The following ERG variants were observed in gnomAD, a reference collection of about 807,000 sequenced individuals.
ERG encodes the protein ETS transcription factor ERG, also known as transcriptional regulator ERG.
ERG carries 9 observed loss-of-function variants against 55.3 expected under a neutral mutation model. The observed-to-expected ratio is 0.16, with a 90% CI of 0.10 to 0.28. ERG has a LOEUF of 0.28. Ranked by LOEUF, ERG falls within the 10% of genes least tolerant of loss-of-function variation. ERG has a pLI of 1.00. For missense variants in ERG, 434 were observed against 631.6 expected (o/e 0.69, Z 3.35); for synonymous variants, 223 against 237.3 (o/e 0.94, Z 0.55).
intron 3 of ERG, among the ~76,000 whole-genome samples, chr21:38,409,772 G>C (rs984016947): frequency 1.3e-5 from 2 of 152,218 alleles, no homozygotes; most frequent in African/African-American, 2.4e-5. Context: ...AACATACGAG[G>C]ATGGGGATGA....
chr21:38,515,809 GA>G (rs2059547377), intron 2 of ERG, among the ~76,000 whole-genome samples: 1 of 152,018 alleles, frequency 6.6e-6, no homozygotes, highest in East Asian at 1.9e-4. Context: ...ATGTATCCCA[GA>G]GATGCAAGGA....
chr21:38,612,271 G>A (rs1217811742), intron 1 of ERG, among the ~76,000 whole-genome samples: 1 of 151,966 alleles, frequency 6.6e-6, no homozygotes, highest in African/African-American at 2.4e-5. Context: ...ACTGTTACTG[G>A]TTTACATTAA....
At chr21:38,445,359 G>A (rs1369380250) in intron 2 of ERG, 45 bp downstream of exon 2, 2 of 1,515,908 alleles carry the variant, frequency 1.3e-6, no homozygotes, top group East Asian at 4.5e-5. Flanking sequence ...GCAAAGGATA[G>A]GAAAATGGGA....
intron 2 of ERG, among the ~76,000 whole-genome samples, chr21:38,435,577 C>A (rs772241141): frequency 1.3e-5 from 2 of 152,140 alleles, no homozygotes; most frequent in Non-Finnish European, 2.9e-5. Context: ...CCTGTTCCCT[C>A]CCCCTTCCCT....
chr21:38,435,578 C>T (rs1990409177), intron 2 of ERG, among the ~76,000 whole-genome samples: 1 of 152,156 alleles, frequency 6.6e-6, no homozygotes, highest in South Asian at 2.1e-4. Flanking sequence ...CTGTTCCCTC[C>T]CCCTTCCCTG....
chr21:38,429,641 G>A (rs138520007), intron 2 of ERG, among the ~76,000 whole-genome samples: 4,986 of 134,914 alleles, frequency 0.037, 1,584 homozygotes, highest in Non-Finnish European at 0.055. Context: ...ATATATACAT[G>A]TATACACATG....
chr21:38,499,314 T>C (rs1264533748), upstream of ERG, among the ~76,000 whole-genome samples: 3 of 152,220 alleles, frequency 2.0e-5, no homozygotes, highest in Admixed American at 1.3e-4. Flanking sequence ...CCCCATTACA[T>C]GTCTAAAATC....
chr21:38,542,770 T>C (rs1417874759), intron 2 of ERG, among the ~76,000 whole-genome samples: 2 of 152,198 alleles, frequency 1.3e-5, no homozygotes, highest in Non-Finnish European at 2.9e-5. Flanking sequence ...ATACTCCATG[T>C]GAGTTACTAC....
intron 1 of ERG, among the ~76,000 whole-genome samples, chr21:38,603,214 C>A (rs959153013): frequency 9.2e-5 from 14 of 152,088 alleles, no homozygotes; most frequent in Admixed American, 3.9e-4. Context: ...ACGCAGCTTA[C>A]ATCCAGAGCA....
chr21:38,390,083 G>A (rs1001350324), intron 9 of ERG, among the ~76,000 whole-genome samples: 1 of 152,208 alleles, frequency 6.6e-6, no homozygotes, highest in African/African-American at 2.4e-5. Context: ...TGAATTTGCA[G>A]TTGGGAATAT....
At chr21:38,517,184 T>C (rs2059558336) in intron 2 of ERG, among the ~76,000 whole-genome samples, 1 of 151,798 alleles carries the variant, frequency 6.6e-6, no homozygotes, top group Non-Finnish European at 1.5e-5. Flanking sequence ...GACAACCTGT[T>C]GAATGGGATA....
At chr21:38,449,761 C>A (rs1031131437) in intron 1 of ERG, among the ~76,000 whole-genome samples, 1 of 152,130 alleles carries the variant, frequency 6.6e-6, no homozygotes, top group African/African-American at 2.4e-5. Context: ...AATTTGTGAT[C>A]CTTATAGCTC....
intron 1 of ERG, among the ~76,000 whole-genome samples, chr21:38,630,782 G>T (rs1439141005): frequency 6.6e-6 from 1 of 152,174 alleles, no homozygotes; most frequent in Non-Finnish European, 1.5e-5. Flanking sequence ...TCAAAAAGAA[G>T]AAGCTTTAAG....
At chr21:38,568,092 C>A (rs145388626) in intron 2 of ERG, among the ~76,000 whole-genome samples, 1 of 141,138 alleles carries the variant, frequency 7.1e-6, no homozygotes, top group Non-Finnish European at 1.6e-5. Flanking sequence ...TTAATTTTTT[C>A]CGTAAGATTT....
chr21:38,465,700 G>A (rs35042034), intron 1 of ERG, among the ~76,000 whole-genome samples: 27,198 of 152,082 alleles, frequency 0.18, 2,571 homozygotes, highest in East Asian at 0.37. Flanking sequence ...GGTTTGCTGC[G>A]TACTAAAATT....
At chr21:38,471,780 T>C (rs1456504142) in intron 1 of ERG, 2 of 152,224 alleles carry the variant, frequency 1.3e-5, no homozygotes, top group African/African-American at 4.8e-5. Context: ...CAAAGTCACA[T>C]CTATTTGTTA....
At chr21:38,484,301 A>G (rs2059264392) in intron 1 of ERG, among the ~76,000 whole-genome samples, 1 of 152,132 alleles carries the variant, frequency 6.6e-6, no homozygotes, top group African/African-American at 2.4e-5. Context: ...TTAACCAGCA[A>G]TATGATAATT....
intron 1 of ERG, among the ~76,000 whole-genome samples, chr21:38,656,111 A>G (rs2060517336): frequency 1.3e-5 from 2 of 152,118 alleles, no homozygotes; most frequent in South Asian, 2.1e-4. Context: ...AGAGAGGAAT[A>G]TTACAAAGGG....
In ERG at chr21:38,597,441, C is replaced by A. The variant is rs945221541; in HGVS notation, c.-149-12496G>T. Among the ~76,000 whole-genome samples, 3 of 148,372 alleles carry A rather than the reference C, an allele frequency of 2.0e-5. No individual in the cohort carries two copies. The South Asian group carries it at 6.5e-4, about 32-fold the overall frequency. On this transcript the variant is annotated intron_variant, in intron 1 of 10. Coordinates refer to the ERG transcript ENST00000398910. ...GTGTAATAAGATTTATTTTAAGGAA[C>A]TTGAAATATAGAGAGATATCTATAT... is the stretch of plus-strand genomic sequence containing the variant.
Sources: allele counts gnomAD v4.1 joint callset (sites outside exome capture counted in the v4.1 genomes callset), GRCh38; gene constraint gnomAD v4.1.1; transcripts MANE v1.5; gene names NCBI Gene and HGNC (gene_info 2026-07-23, HGNC 2026-07-21).